CIBAR2: variants seen among roughly 807,000 people sequenced by gnomAD.
CIBAR2 encodes CBY1-interacting BAR domain-containing protein 2.
Under a neutral mutation model 36.2 loss-of-function variants are expected in CIBAR2, and 38 were observed. The observed-to-expected ratio is 1.05, with a 90% CI of 0.81 to 1.38. The LOEUF (loss-of-function observed/expected upper bound fraction) is 1.38. CIBAR2 is among the 40% of genes most tolerant of loss of function. The pLI is 0.00. For synonymous variants in CIBAR2, 182 were observed against 149.5 expected, an observed-to-expected ratio of 1.22 and a Z score of -1.58; for missense variants, 481 against 383.4, an observed-to-expected ratio of 1.25 and a Z score of -2.13.
Position 85,108,097 on chromosome 16 carries a change from G to A in CIBAR2, c.258C>T (p.Val86=), listed in dbSNP as rs201188450. 2.9e-5 allele frequency: 47 copies of A among 1,609,694 alleles called. No individual in the cohort carries two copies. The East Asian group carries it at 7.6e-4, about 26-fold the overall frequency. Residue 86 remains valine, a splice_region_variant and synonymous_variant, in exon 3 of 9, where the codon GTC becomes GTT. Coordinates refer to ENST00000539556, the MANE Select transcript of CIBAR2 (RefSeq NM_198491.3). ...AKVQDYRQAQ[V]ERLETKVVNP... is the part of the protein sequence containing the mutation. ...TGACCACCTTGGTCTCCAGCCTCTC[G>A]ACCTGGGGGAGCGGGGACACCAGGG...
At chr16:85,103,624 C>A (rs1052235927) in intron 6 of CIBAR2, among the ~76,000 whole-genome samples, 1 of 152,220 alleles carries the variant, frequency 6.6e-6, no homozygotes, top group Non-Finnish European at 1.5e-5. Flanking sequence ...TGCTGAATAA[C>A]GTCTGCCGAC....
chr16:85,112,084 C>G (rs531424572), intron 1 of CIBAR2, among the ~76,000 whole-genome samples: 4 of 152,318 alleles, frequency 2.6e-5, no homozygotes, highest in African/African-American at 4.8e-5. Flanking sequence ...ATGAATTTGA[C>G]TCCTCCAGAT....
At chr16:85,103,447 A>T (rs2073971001) in intron 6 of CIBAR2, among the ~76,000 whole-genome samples, 2 of 152,186 alleles carry the variant, frequency 1.3e-5, no homozygotes, top group African/African-American at 4.8e-5. Context: ...CTCTTTTGAA[A>T]TGTGAAGGGC....
chr16:85,102,522 A>G (rs1224893660), intron 6 of CIBAR2, among the ~76,000 whole-genome samples, 195 bp from the exon 7 acceptor site: 1 of 152,204 alleles, frequency 6.6e-6, no homozygotes, highest in Non-Finnish European at 1.5e-5. Flanking sequence ...TCAAAAATCA[A>G]AACTATTGGT....
Position 85,098,539 on chromosome 16 carries a change from GTTC to G in CIBAR2, c.*643_*645del, listed in dbSNP as rs1305567291. On this transcript the variant is annotated 3_prime_UTR_variant, in exon 9 of 9. Transcript: ENST00000539556. ...CACCTGAGGATCCAAGGCCAGCTAA[GTTC>G]TTCTGACTGTTGTGGGCAGTTCTCT... 1.0e-6 allele frequency: 1 copy of G among 986,038 alleles called. No individual in the cohort carries two copies. Among genetic ancestry groups the G allele is most frequent in the East Asian group, 1.1e-4 (1 of 8,828 alleles). The allele number at this position is 986,038 out of a possible 1,614,324, so 61.1% of individuals were successfully genotyped here.
intron 1 of CIBAR2, among the ~76,000 whole-genome samples, chr16:85,111,725 T>TC (rs1233745432): frequency 1.3e-5 from 2 of 152,216 alleles, no homozygotes; most frequent in East Asian, 3.8e-4. Context: ...ACGCCTGTAG[T>TC]CCCAGCTACT....
rs754121946 is a variant in CIBAR2, at chr16:85,099,347, C to T, written c.754-1G>A. Reference sequence around the variant, plus strand: ...TACTCAGCTGGACCTGCAGAGTTCCCTGCAGAAATATAAATGCACCTGATG... The same window carrying T: ...TACTCAGCTGGACCTGCAGAGTTCCTTGCAGAAATATAAATGCACCTGATG... On this transcript the variant is annotated splice_acceptor_variant, in intron 8 of 8. Transcript: ENST00000539556. LOFTEE classifies it high-confidence loss of function. 1.3e-6 allele frequency: 2 copies of T among 1,514,308 alleles called. No homozygotes were observed. The highest frequency in any genetic ancestry group is 1.4e-5 in the African/African-American group (1 of 72,950). 93.8% of individuals were successfully genotyped at this position (1,514,308 alleles called of 1,614,324 possible). A position where few individuals can be genotyped will look rare whatever the true frequency, so the allele number is the denominator to read the frequency against.
At position 85,098,537 on chromosome 16, in the gene CIBAR2, A is replaced by T; in HGVS notation, c.*648T>A. 1.0e-6 allele frequency: 1 copy of T among 986,148 alleles called. No homozygotes were observed. Among genetic ancestry groups the T allele is most frequent in the Non-Finnish European group, 1.2e-6 (1 of 830,170 alleles). The allele number at this position is 986,148 out of a possible 1,614,324, so 61.1% of individuals were successfully genotyped here. On this transcript the variant is annotated 3_prime_UTR_variant, in exon 9 of 9. Transcript: ENST00000539556. ...CCCACCTGAGGATCCAAGGCCAGCT[A>T]AGTTCTTCTGACTGTTGTGGGCAGT...
In CIBAR2 at chr16:85,110,221, C is replaced by T. The variant is rs538840327; in HGVS notation, c.255+5G>A. The T allele has an allele frequency of 1.3e-6, 2 of 1,546,186 alleles. No individual in the cohort carries two copies. Among genetic ancestry groups the T allele is most frequent in the South Asian group, 1.2e-5 (1 of 82,388 alleles). On this transcript the variant is annotated splice_donor_5th_base_variant and intron_variant, in intron 2 of 8. Transcript: ENST00000539556. ...GCATCCCAGACCCGGGCCGGCAGCA[C>T]TCACCTGGGCCTGCCGGTAATCCTG...
rs556599086 is a variant in CIBAR2, at chr16:85,106,602, C to T, written c.432+1065G>A. Among the ~76,000 whole-genome samples the T allele has an allele frequency of 3.3e-5, 5 of 152,200 alleles. No individual in the cohort carries two copies. The South Asian group carries it at 6.3e-4, about 19-fold the overall frequency. On this transcript the variant is annotated intron_variant, in intron 5 of 8. Transcript: ENST00000539556. The stretch of plus-strand genomic sequence containing the variant: ...GAGGGGCCATGAGCCAAGGGATGTG[C>T]GTGGCCTCTGGAAGCTGGAAAAGGC...
intron 8 of CIBAR2, among the ~76,000 whole-genome samples, chr16:85,099,718 G>T (rs12149961): frequency 0.33 from 49,777 of 149,574 alleles, 8,495 homozygotes; most frequent in South Asian, 0.46. Context: ...CTGCCTCCTG[G>T]GCTCAAGCGA....
At position 85,098,480 on chromosome 16, in the gene CIBAR2, A is replaced by G; in HGVS notation, c.*705T>C. 1 of 971,526 alleles carries G rather than the reference A, an allele frequency of 1.0e-6. No homozygotes were observed. The highest frequency in any genetic ancestry group is 1.2e-6 in the Non-Finnish European group (1 of 816,842). The allele number at this position is 971,526 out of a possible 1,614,324, so 60.2% of individuals were successfully genotyped here. A position where few individuals can be genotyped will look rare whatever the true frequency, so the allele number is the denominator to read the frequency against. ...AGATGAGGAAACTGAGGCTCAGAGG[A>G]CACGTGGCTTGCCTGAGGGCACACA... On this transcript the variant is annotated 3_prime_UTR_variant, in exon 9 of 9. Coordinates refer to ENST00000539556, the MANE Select transcript of CIBAR2 (RefSeq NM_198491.3).
At chr16:85,102,152 C>T in intron 7 of CIBAR2, 62 bp downstream of exon 7, 1 of 958,666 alleles carries the variant, frequency 1.0e-6, no homozygotes, top group Non-Finnish European at 1.6e-6. Flanking sequence ...TCTATCAAGA[C>T]AAAACCAAAA....
chr16:85,107,750 G>C, intron 4 of CIBAR2, 78 bp from the exon 5 acceptor site: 1 of 1,589,840 alleles, frequency 6.3e-7, no homozygotes, highest in East Asian at 2.2e-5. Flanking sequence ...CACAGCCCCT[G>C]CCCAGCGGGC....
chr16:85,100,873 C>T (rs2073950056), intron 7 of CIBAR2, among the ~76,000 whole-genome samples: 1 of 152,104 alleles, frequency 6.6e-6, no homozygotes, highest in Admixed American at 6.5e-5. Context: ...CGGTGAAACC[C>T]CGTCTCTACT....
At chr16:85,105,056 T>C (rs1224413076) in intron 6 of CIBAR2, among the ~76,000 whole-genome samples, 1 of 152,214 alleles carries the variant, frequency 6.6e-6, no homozygotes, top group Non-Finnish European at 1.5e-5. Flanking sequence ...AAACTCTTCC[T>C]GGCTAGGAGC....
Position 85,099,085 on chromosome 16 carries a change from C to A in CIBAR2, c.*100G>T. ...GACAAGGTCTTTGAATTAACACAATCCAACAAAGACAAAGAAAAAAGAATC... is the reference window on the plus strand; with the variant it reads ...GACAAGGTCTTTGAATTAACACAATACAACAAAGACAAAGAAAAAAGAATC... On this transcript the variant is annotated 3_prime_UTR_variant, in exon 9 of 9. Transcript: ENST00000539556. The A allele has an allele frequency of 7.4e-7, 1 of 1,356,404 alleles. No homozygotes were observed. Among genetic ancestry groups the A allele is most frequent in the African/African-American group, 1.5e-5 (1 of 66,976 alleles). The allele number at this position is 1,356,404 out of a possible 1,614,324, so 84.0% of individuals were successfully genotyped here.
In CIBAR2 at chr16:85,107,764, G is replaced by C. The variant is rs576835374; in HGVS notation, c.426+82C>G. ...TCACAGCCCCTGCCCAGCGGGCCCAGGCAAAGAAAACCTCAGAAGACATCA... is the reference window on the plus strand; with the variant it reads ...TCACAGCCCCTGCCCAGCGGGCCCACGCAAAGAAAACCTCAGAAGACATCA... On this transcript the variant is annotated intron_variant, in intron 4 of 8. Transcript: ENST00000539556. 4.4e-5 allele frequency: 70 copies of C among 1,591,626 alleles called. 1 individual carries two copies. In the South Asian group the frequency reaches 7.3e-4, roughly 17 times the overall value.
chr16:85,099,251 C>T lies in CIBAR2; in HGVS notation c.849G>A (p.Lys283=). The T allele has an allele frequency of 1.2e-6, 2 of 1,613,032 alleles. No homozygotes were observed. Among genetic ancestry groups the T allele is most frequent in the East Asian group, 2.2e-5 (1 of 44,728 alleles). Residue 283 remains lysine (K), a synonymous_variant, in exon 9 of 9, where the codon AAG becomes AAA. Coordinates refer to ENST00000539556, the MANE Select transcript of CIBAR2 (RefSeq NM_198491.3). ...CACACACACAGTGGGCTGGCTGCCCCTTAACCACCCACTCACAGAGACTAA... is the reference window on the plus strand; with the variant it reads ...CACACACACAGTGGGCTGGCTGCCCTTTAACCACCCACTCACAGAGACTAA... The part of the protein sequence containing the change: ...GRFSLCEWVV[K]GQPAHCVCGQ...
Sources: gnomAD v4.1 joint callset for allele counts (sites outside exome capture counted in the v4.1 genomes callset) on GRCh38, gnomAD v4.1.1 for gene constraint, MANE v1.5 for transcripts, NCBI Gene and HGNC (gene_info 2026-07-23, HGNC 2026-07-21) for gene names.